The following MS4A1 variants were observed in gnomAD, a reference collection of about 807,000 sequenced individuals.
MS4A1 encodes the protein B-lymphocyte antigen CD20.
In MS4A1, 16 loss-of-function variants were observed where a neutral mutation model predicts 26.5. The ratio of observed to expected loss-of-function variants is 0.60; its 90% CI spans 0.41 to 0.92. The LOEUF is 0.92. MS4A1 is among the 40% of genes least tolerant of loss of function. The pLI is 0.00. For missense variants in MS4A1, 350 were observed against 353.0 expected (o/e 0.99, Z 0.07); for synonymous variants, 128 against 117.6 (o/e 1.09, Z -0.57).
intron 7 of MS4A1, 24 bp from the exon 8 acceptor site, chr11:60,468,226 G>A (rs766227509): frequency 6.5e-7 from 1 of 1,549,848 alleles, no homozygotes; most frequent in Non-Finnish European, 8.9e-7. Context: ...AGTAAAGAAT[G>A]GTTTGTTTAA....
rs1261914986 is a variant in MS4A1 at position 60,462,207 on chromosome 11, C to T, written c.-168C>T. 4 of 773,412 alleles carry T rather than the reference C, an allele frequency of 5.2e-6. No homozygotes were observed. The East Asian group carries it at 8.2e-5, about 16-fold the overall frequency. The allele number at this position is 773,412 out of a possible 1,614,324, so 47.9% of individuals were successfully genotyped here. On this transcript the variant is annotated 5_prime_UTR_variant, in exon 3 of 8. Transcript: ENST00000345732. ...CAGAACTCAGCAGTAGGCCTTGCCTCAGATCCAAGGTCACTCGGAAGAGGC... is the reference window on the plus strand; with the variant it reads ...CAGAACTCAGCAGTAGGCCTTGCCTTAGATCCAAGGTCACTCGGAAGAGGC...
At chr11:60,465,766 T>C (rs2086285747) in intron 5 of MS4A1, 155 bp from the exon 6 acceptor site, 1 of 646,090 alleles carries the variant, frequency 1.5e-6, no homozygotes, top group Non-Finnish European at 2.8e-6. Context: ...TTTTATTTTA[T>C]AGTGACAAAG....
intron 1 of MS4A1, among the ~76,000 whole-genome samples, chr11:60,457,572 A>T (rs370776427): frequency 1.3e-5 from 2 of 152,310 alleles, no homozygotes; most frequent in African/African-American, 4.8e-5. Flanking sequence ...AAATGGCATG[A>T]CTTGGCCACT....
At chr11:60,463,904 T>C (rs2086269361) in intron 4 of MS4A1, 1 of 398,232 alleles carries the variant, frequency 2.5e-6, no homozygotes, top group Non-Finnish European at 5.1e-6. Context: ...GAGTCATTTA[T>C]GTCACTGTGA....
rs184068807 is a variant in MS4A1, at chr11:60,461,638, G to A, written c.-191+478G>A. Among the ~76,000 whole-genome samples, 204 of 151,762 alleles carry A rather than the reference G, an allele frequency of 1.3e-3. 1 individual carries two copies. Among genetic ancestry groups the A allele is most frequent in the Non-Finnish European group, 1.5e-3 (102 of 68,010 alleles). Reference sequence around the variant, plus strand: ...GGGTTCAAGCAATTCTCCTGCCTTAGCCTCCCGAGTAGCTGGGATTACAGG... The same window carrying A: ...GGGTTCAAGCAATTCTCCTGCCTTAACCTCCCGAGTAGCTGGGATTACAGG... On this transcript the variant is annotated intron_variant, in intron 2 of 7. Coordinates refer to ENST00000345732, the MANE Select transcript of MS4A1 (RefSeq NM_152866.3).
intron 1 of MS4A1, chr11:60,458,060 G>C (rs1178438397): frequency 6.6e-6 from 1 of 152,184 alleles, no homozygotes; most frequent in Non-Finnish European, 1.5e-5. Context: ...GAGACCACAA[G>C]AGGAGCAAGC....
In MS4A1 at chr11:60,468,387, A is replaced by T; in HGVS notation, c.813A>T (p.Glu271Asp). The change falls in exon 8 of 8, where the codon GAA becomes GAT. Residue 271 changes from glutamate to aspartate, a missense_variant. By Grantham distance (45) the Glu-to-Asp change is conservative. Transcript: ENST00000345732. ...DIEIIPIQEEEEEETETNFPE... is the reference protein window; with the variant it reads ...DIEIIPIQEEDEEETETNFPE... ...AAATTATTCCAATCCAAGAAGAGGA[A>T]GAAGAAGAAACAGAGACGAACTTTC... 2 of 1,614,166 alleles carry T rather than the reference A, an allele frequency of 1.2e-6. No individual in the cohort carries two copies. The highest frequency in any genetic ancestry group is 1.7e-6 in the Non-Finnish European group (2 of 1,179,998).
chr11:60,463,984 T>G (rs1018527655), intron 4 of MS4A1: 2 of 460,666 alleles, frequency 4.3e-6, no homozygotes, highest in African/African-American at 2.0e-5. Context: ...ATTTATGGTA[T>G]GAGTATTAAT....
At chr11:60,463,807 C>A (rs578236636) in intron 4 of MS4A1, 1 of 455,784 alleles carries the variant, frequency 2.2e-6, no homozygotes, top group Non-Finnish European at 4.4e-6. Context: ...TCATCACTTC[C>A]TGTAACAGCC....
rs373992004 is a variant in MS4A1, at chr11:60,465,646, A to T, written c.337-275A>T. The T allele has an allele frequency of 1.1e-4, 43 of 401,104 alleles. No individual in the cohort carries two copies. The East Asian group carries it at 1.3e-3, about 12-fold the overall frequency. The allele number at this position is 401,104 out of a possible 1,614,324, so 24.8% of individuals were successfully genotyped here. On this transcript the variant is annotated intron_variant, in intron 5 of 7. Coordinates refer to ENST00000345732, the MANE Select transcript of MS4A1 (RefSeq NM_152866.3). The stretch of plus-strand genomic sequence containing the variant: ...TGGCAGTGGCAGTGAAGGAAATGCA[A>T]GGATACAAGATATAGAATCAAGGGT...
At chr11:60,464,083 GTGT>G in intron 4 of MS4A1, 1 of 592,932 alleles carries the variant, frequency 1.7e-6, no homozygotes, top group East Asian at 2.8e-5. Flanking sequence ...CATGAATTTA[GTGT>G]CACTGAGCCT....
intron 1 of MS4A1, among the ~76,000 whole-genome samples, chr11:60,458,822 C>T (rs1026283801): frequency 6.6e-6 from 1 of 150,504 alleles, no homozygotes; most frequent in Non-Finnish European, 1.5e-5. Context: ...TATATATAAT[C>T]AGATATATAT....
intron 5 of MS4A1, among the ~76,000 whole-genome samples, chr11:60,465,183 C>T (rs2086280860): frequency 6.6e-6 from 1 of 152,188 alleles, no homozygotes; most frequent in Non-Finnish European, 1.5e-5. Context: ...GAAATATGCG[C>T]AGCATAAAAT....
Position 60,468,254 on chromosome 11 carries a change from T to C in MS4A1, c.680T>C (p.Ile227Thr), listed in dbSNP as rs1163053509. The C allele has an allele frequency of 6.2e-7, 1 of 1,610,730 alleles. No homozygotes were observed. Among genetic ancestry groups the C allele is most frequent in the South Asian group, 1.1e-5 (1 of 90,588 alleles). The change falls in exon 8 of 8, where the codon ATA becomes ACA. Residue 227 changes from isoleucine to threonine, a missense_variant. Transcript: ENST00000345732. ...KRTCSRPKSN[I>T]VLLSAEEKKE... ...TTGTTTAATTTTCTGTTTTAGAACA[T>C]AGTTCTCCTGTCAGCAGAAGAAAAA...
In MS4A1 at chr11:60,466,162, G is replaced by C. The variant is rs1203114536; in HGVS notation, c.573+5G>C. 3 of 1,593,742 alleles carry C rather than the reference G, an allele frequency of 1.9e-6. No homozygotes were observed. In the South Asian group the frequency reaches 3.3e-5, roughly 18 times the overall value. On this transcript the variant is annotated splice_donor_5th_base_variant and intron_variant, in intron 6 of 7. Transcript: ENST00000345732. Reference sequence around the variant, plus strand: ...AGCATACAATCTCTGTTCTTGGTAAGTGTTCTTGGTAAGTGTGAGATTGGA... The same window carrying C: ...AGCATACAATCTCTGTTCTTGGTAACTGTTCTTGGTAAGTGTGAGATTGGA...
intron 6 of MS4A1, 43 bp from the exon 7 acceptor site, chr11:60,466,916 G>A (rs2086296360): frequency 6.4e-7 from 1 of 1,552,334 alleles, no homozygotes; most frequent in Non-Finnish European, 8.9e-7. Flanking sequence ...TGTTCTTTGT[G>A]CCATTATTAC....
chr11:60,463,530 T>C (rs1386290090), intron 4 of MS4A1, among the ~76,000 whole-genome samples: 5 of 152,360 alleles, frequency 3.3e-5, no homozygotes, highest in Non-Finnish European at 1.5e-5. Flanking sequence ...TGGTGAAACC[T>C]GTCCCATCAC....
At chr11:60,463,787 G>A (rs74746582) in intron 4 of MS4A1, 25,799 of 454,894 alleles carry the variant, frequency 0.057, 957 homozygotes, top group Non-Finnish European at 0.074. Flanking sequence ...AGGAAGATGA[G>A]CAATAGTCAT....
intron 2 of MS4A1, 148 bp from the exon 3 acceptor site, chr11:60,462,036 GA>G: frequency 2.6e-6 from 1 of 388,660 alleles, no homozygotes; most frequent in Non-Finnish European, 4.9e-6. Flanking sequence ...AAGCATCCAG[GA>G]ATAAGAAACA....
Sources: gnomAD v4.1 joint callset for allele counts (sites outside exome capture counted in the v4.1 genomes callset) on GRCh38, gnomAD v4.1.1 for gene constraint, MANE v1.5 for transcripts, NCBI Gene and HGNC (gene_info 2026-07-23, HGNC 2026-07-21) for gene names.